Variants in UCHL3 observed in about 807,000 individuals in gnomAD.
The protein encoded by UCHL3 is ubiquitin carboxyl-terminal hydrolase isozyme L3.
In UCHL3, 22 loss-of-function variants were observed where a neutral mutation model predicts 35.8. The ratio of observed to expected loss-of-function variants is 0.61; its 90% CI spans 0.44 to 0.88. The LOEUF (loss-of-function observed/expected upper bound fraction) is 0.88, where lower values mean the gene tolerates loss of function less well. UCHL3 is among the 40% of genes least tolerant of loss of function. The pLI is 0.00. For synonymous variants in UCHL3, 90 were observed against 92.8 expected, an observed-to-expected ratio of 0.97 and a Z score of 0.17; for missense variants, 229 against 276.9, an observed-to-expected ratio of 0.83 and a Z score of 1.23.
In UCHL3 at chr13:75,605,848, T is replaced by C; in HGVS notation, c.*36T>C. 1 of 1,602,616 alleles carries C rather than the reference T, an allele frequency of 6.2e-7. No homozygotes were observed. The highest frequency in any genetic ancestry group is 1.1e-5 in the South Asian group (1 of 89,790). Reference sequence around the variant, plus strand: ...ATGGAAACACCAAAAACTGTATTATTTGCAACTAAATTTTCTCTGCCATAC... The same window carrying C: ...ATGGAAACACCAAAAACTGTATTATCTGCAACTAAATTTTCTCTGCCATAC... On this transcript the variant is annotated 3_prime_UTR_variant, in exon 9 of 9. Coordinates refer to ENST00000377595, the MANE Select transcript of UCHL3 (RefSeq NM_006002.5).
chr13:75,594,929 T>C lies in UCHL3; in HGVS notation c.489T>C (p.Asp163=). Residue 163 remains aspartate (D), a synonymous_variant, in exon 7 of 9, where the codon GAT becomes GAC. Coordinates refer to ENST00000377595, the MANE Select transcript of UCHL3 (RefSeq NM_006002.5). The stretch of plus-strand genomic sequence containing the variant: ...TCCTATTCCAGGCACCAAGTATAGA[T>C]GAGAAAGTAGATCTTCATTTTATTG... The part of the protein sequence containing the change: ...HEGQTEAPSI[D]EKVDLHFIAL... 1 of 1,607,098 alleles carries C rather than the reference T, an allele frequency of 6.2e-7. No individual in the cohort carries two copies. The highest frequency in any genetic ancestry group is 8.5e-7 in the Non-Finnish European group (1 of 1,178,360).
intron 7 of UCHL3, among the ~76,000 whole-genome samples, chr13:75,603,592 A>G (rs1168641962): frequency 2.0e-5 from 3 of 152,206 alleles, no homozygotes; most frequent in Non-Finnish European, 4.4e-5. Context: ...AAAAAATAAT[A>G]CAAAATGGGG....
intron 6 of UCHL3, 100 bp from the exon 7 acceptor site, chr13:75,594,815 C>T (rs2032601078): frequency 2.3e-6 from 2 of 856,360 alleles, no homozygotes; most frequent in Non-Finnish European, 3.6e-6. Context: ...GATAAATGTT[C>T]TCTTATATAA....
chr13:75,588,188 A>G (rs528937356), intron 6 of UCHL3, among the ~76,000 whole-genome samples: 1 of 152,044 alleles, frequency 6.6e-6, no homozygotes, highest in South Asian at 2.1e-4. Context: ...CTTTTCTCAC[A>G]CTGAATTCTT....
At chr13:75,553,637 A>G (rs2031190709) in intron 2 of UCHL3, among the ~76,000 whole-genome samples, 1 of 149,454 alleles carries the variant, frequency 6.7e-6, no homozygotes, top group Non-Finnish European at 1.5e-5. Flanking sequence ...TGCCCTAGTA[A>G]TGTTTTCTGT....
intron 5 of UCHL3, among the ~76,000 whole-genome samples, chr13:75,568,352 GT>G (rs988854209): frequency 6.6e-6 from 1 of 151,370 alleles, no homozygotes; most frequent in Middle Eastern, 4.1e-3. Context: ...ATTTTAAATT[GT>G]TTTTTTCTTT....
intron 6 of UCHL3, among the ~76,000 whole-genome samples, chr13:75,588,243 T>C (rs1183936634): frequency 2.0e-5 from 3 of 152,278 alleles, no homozygotes; most frequent in East Asian, 3.9e-4. Flanking sequence ...CTTTATATAT[T>C]CTTTCAGTAT....
intron 3 of UCHL3, among the ~76,000 whole-genome samples, chr13:75,561,492 C>G (rs553784853): frequency 6.6e-6 from 1 of 151,798 alleles, no homozygotes; most frequent in East Asian, 1.9e-4. Flanking sequence ...TTTGATTTAT[C>G]TGTTTTAGAA....
rs113906326 is a variant in UCHL3 at position 75,581,832 on chromosome 13, G to C, written c.474+12325G>C. Among the ~76,000 whole-genome samples the C allele has an allele frequency of 1.2e-3, 179 of 152,096 alleles. 2 individuals carry two copies. Among genetic ancestry groups the C allele is most frequent in the African/African-American group, 4.0e-3 (167 of 41,496 alleles). Reference sequence around the variant, plus strand: ...ATAAAAAAGTGCATGCACACTAACTGTGAAGGAAAAGTAATTTGGCCTTTG... The same window carrying C: ...ATAAAAAAGTGCATGCACACTAACTCTGAAGGAAAAGTAATTTGGCCTTTG... On this transcript the variant is annotated intron_variant, in intron 6 of 8. Transcript: ENST00000377595.
intron 3 of UCHL3, among the ~76,000 whole-genome samples, chr13:75,566,325 T>C (rs569230555): frequency 3.3e-5 from 5 of 152,354 alleles, no homozygotes; most frequent in Admixed American, 3.3e-4. Context: ...CGATATGCCA[T>C]AATATATTTT....
chr13:75,575,941 G>A (rs142418200), intron 6 of UCHL3, among the ~76,000 whole-genome samples: 3 of 151,574 alleles, frequency 2.0e-5, no homozygotes, highest in South Asian at 2.1e-4. Context: ...TAGTAGAGAC[G>A]GGGTTTTGCC....
At chr13:75,559,030 C>CTTTTTTTTTTTTTTT (rs34100020) in intron 2 of UCHL3, among the ~76,000 whole-genome samples, 1 of 64,282 alleles carries the variant, frequency 1.6e-5, no homozygotes, top group African/African-American at 6.6e-5. Context: ...GCCCCGGACT[C>CTTTTTTTTTTTTTTT]TTTTTTTTTT....
chr13:75,572,994 G>C (rs540207748), intron 6 of UCHL3, among the ~76,000 whole-genome samples: 1 of 152,256 alleles, frequency 6.6e-6, no homozygotes, highest in East Asian at 1.9e-4. Flanking sequence ...GCCGGGCATG[G>C]GGGCTCACGC....
At chr13:75,603,294 C>T (rs560269418) in intron 7 of UCHL3, among the ~76,000 whole-genome samples, 1 of 152,246 alleles carries the variant, frequency 6.6e-6, no homozygotes, top group African/African-American at 2.4e-5. Flanking sequence ...GCTCTTTAGT[C>T]TCATGAATGA....
At chr13:75,551,655 T>C (rs190261329) in intron 2 of UCHL3, among the ~76,000 whole-genome samples, 1 of 152,324 alleles carries the variant, frequency 6.6e-6, no homozygotes, top group Admixed American at 6.5e-5. Context: ...TGGTTCACCA[T>C]TCAAAAATCA....
At chr13:75,584,548 C>T (rs2032272296) in intron 6 of UCHL3, among the ~76,000 whole-genome samples, 1 of 152,146 alleles carries the variant, frequency 6.6e-6, no homozygotes, top group Non-Finnish European at 1.5e-5. Context: ...GAGACACGCC[C>T]ATTTTTAGGC....
chr13:75,590,173 CTGTCT>C lies in UCHL3; in HGVS notation c.475-4740_475-4736del, dbSNP rs1321475001. On this transcript the variant is annotated intron_variant, in intron 6 of 8. Coordinates refer to ENST00000377595, the MANE Select transcript of UCHL3 (RefSeq NM_006002.5). ...CCGTCTCTTCTTCCAGTGACAAGGG[CTGTCT>C]TTTTTTTTTTTTTTTCTTAACTTCG... 18 of 1,211,238 alleles carry C rather than the reference CTGTCT, an allele frequency of 1.5e-5. No individual in the cohort carries two copies. In the African/African-American group the frequency reaches 3.0e-4, roughly 20 times the overall value. 75.0% of individuals were successfully genotyped at this position (1,211,238 alleles called of 1,614,324 possible). A position where few individuals can be genotyped will look rare whatever the true frequency, so the allele number is the denominator to read the frequency against.
At chr13:75,588,721 C>T (rs1247093759) in intron 6 of UCHL3, among the ~76,000 whole-genome samples, 1 of 152,080 alleles carries the variant, frequency 6.6e-6, no homozygotes, top group Non-Finnish European at 1.5e-5. Flanking sequence ...GAAAGTAAAA[C>T]TCATGTTCCT....
chr13:75,572,126 A>G (rs901297526), intron 6 of UCHL3, among the ~76,000 whole-genome samples: 1 of 146,650 alleles, frequency 6.8e-6, no homozygotes, highest in African/African-American at 2.5e-5. Flanking sequence ...TTATTTCCTT[A>G]TTTTATTATT....
Sources: gnomAD v4.1 joint callset for allele counts (sites outside exome capture counted in the v4.1 genomes callset) on GRCh38, gnomAD v4.1.1 for gene constraint, MANE v1.5 for transcripts, NCBI Gene and HGNC (gene_info 2026-07-23, HGNC 2026-07-21) for gene names.